Variants in MSRA observed in about 807,000 individuals in gnomAD.
MSRA encodes methionine sulfoxide reductase A.
In MSRA, 54 loss-of-function variants were observed where a neutral mutation model predicts 31.3. The observed-to-expected ratio is 1.73, with a 90% confidence interval of 1.39 to 2.17. MSRA has a LOEUF of 2.17. Ranked by LOEUF, MSRA falls within the 30% of genes most tolerant of loss-of-function variation. The pLI, the probability that MSRA is intolerant of heterozygous loss-of-function variation, is 0.00. For synonymous variants in MSRA, 169 were observed against 116.5 expected, an observed-to-expected ratio of 1.45 and a Z score of -2.90; for missense variants, 507 against 300.9, an observed-to-expected ratio of 1.69 and a Z score of -5.07.
At chr8:10,055,224 G>C (rs1428771927) in intron 1 of MSRA, among the ~76,000 whole-genome samples, 1 of 152,214 alleles carries the variant, frequency 6.6e-6, no homozygotes, top group Non-Finnish European at 1.5e-5. Flanking sequence ...GTCCCCAGGG[G>C]CAGGGGCTGC....
At position 10,410,240 on chromosome 8, in the gene MSRA, T is replaced by A. The variant is rs117646962; in HGVS notation, c.544-17908T>A. ...ACGCTTGGCCAGGAGCCACCAACAC[T>A]CTCGTATGGAAAGTCTGCCAACAGG... On this transcript the variant is annotated intron_variant, in intron 5 of 5. Transcript: ENST00000317173. 2.8e-3 allele frequency among the ~76,000 whole-genome samples: 419 copies of A among 152,118 alleles called. 14 individuals are homozygous for A. The East Asian group carries it at 0.078, about 28-fold the overall frequency.
intron 1 of MSRA, among the ~76,000 whole-genome samples, chr8:10,092,630 G>A (rs1489263729): frequency 1.4e-5 from 2 of 144,280 alleles, no homozygotes; most frequent in African/African-American, 2.5e-5. Context: ...GTGACGGAGT[G>A]AGATTCTGTC....
chr8:10,352,752 G>A (rs1585559690), intron 5 of MSRA, among the ~76,000 whole-genome samples: 1 of 152,096 alleles, frequency 6.6e-6, no homozygotes, highest in Admixed American at 6.6e-5. Flanking sequence ...GTGCAGACAC[G>A]CTGCCGTCTG....
chr8:10,409,816 C>T (rs539605516), intron 5 of MSRA, among the ~76,000 whole-genome samples: 1 of 152,234 alleles, frequency 6.6e-6, no homozygotes, highest in Non-Finnish European at 1.5e-5. Context: ...AATGTCAGTA[C>T]TTTGGAAGGC....
intron 1 of MSRA, among the ~76,000 whole-genome samples, chr8:10,204,426 T>C (rs1037095504): frequency 3.9e-5 from 6 of 152,228 alleles, no homozygotes; most frequent in African/African-American, 1.4e-4. Context: ...TACCTTTTTT[T>C]TAAATCTTTT....
chr8:10,099,079 C>G (rs183706502), intron 1 of MSRA, among the ~76,000 whole-genome samples: 133 of 151,994 alleles, frequency 8.8e-4, no homozygotes, highest in Admixed American at 2.0e-3. Flanking sequence ...TTTCTATATT[C>G]TAGTGGTTCG....
At chr8:10,121,133 T>G (rs548124120) in intron 1 of MSRA, among the ~76,000 whole-genome samples, 1 of 152,264 alleles carries the variant, frequency 6.6e-6, no homozygotes, top group African/African-American at 2.4e-5. Context: ...GTAAGGATGA[T>G]CTTGACAACA....
intron 1 of MSRA, among the ~76,000 whole-genome samples, chr8:10,199,984 G>A (rs936635464): frequency 1.7e-4 from 26 of 152,226 alleles, no homozygotes; most frequent in Non-Finnish European, 5.9e-5. Context: ...GTGGGTTACT[G>A]TGCTGGCTGG....
At chr8:10,283,828 TATATATATACACACAC>T (rs1367646116) in intron 3 of MSRA, among the ~76,000 whole-genome samples, 8 of 68,562 alleles carry the variant, frequency 1.2e-4, no homozygotes, top group South Asian at 1.3e-3. Flanking sequence ...TATATATATA[TATATATATACACACAC>T]ACACACACAC....
chr8:10,262,533 G>T (rs1798535897), intron 3 of MSRA, among the ~76,000 whole-genome samples: 1 of 152,000 alleles, frequency 6.6e-6, no homozygotes, highest in African/African-American at 2.4e-5. Flanking sequence ...TGGTGAGGTG[G>T]CTATTCAGAT....
chr8:10,097,386 A>T (rs1461835797), intron 1 of MSRA, among the ~76,000 whole-genome samples: 1 of 152,200 alleles, frequency 6.6e-6, no homozygotes, highest in East Asian at 1.9e-4. Flanking sequence ...GACATGAAAG[A>T]CATGCTGATA....
At chr8:10,197,678 A>G (rs1808114425) in intron 1 of MSRA, among the ~76,000 whole-genome samples, 1 of 152,116 alleles carries the variant, frequency 6.6e-6, no homozygotes. Flanking sequence ...CTCTCTGCCA[A>G]CGTCCATCCG....
intron 4 of MSRA, among the ~76,000 whole-genome samples, chr8:10,303,501 A>C (rs1800959796): frequency 6.6e-6 from 1 of 152,246 alleles, no homozygotes; most frequent in African/African-American, 2.4e-5. Context: ...CCAGATCTTC[A>C]CATCATAGGT....
chr8:10,294,879 C>T (rs555368000), intron 3 of MSRA, among the ~76,000 whole-genome samples: 10 of 151,756 alleles, frequency 6.6e-5, no homozygotes, highest in Non-Finnish European at 1.3e-4. Flanking sequence ...GGGGTGGGGG[C>T]GGGGGCTTTG....
At chr8:10,266,964 T>C (rs1033720726) in intron 3 of MSRA, among the ~76,000 whole-genome samples, 11 of 152,214 alleles carry the variant, frequency 7.2e-5, no homozygotes, top group Admixed American at 7.2e-4. Context: ...GAAAGAATAA[T>C]AAGGTCATTA....
intron 4 of MSRA, among the ~76,000 whole-genome samples, chr8:10,316,568 CTCT>C (rs1801736540): frequency 6.9e-6 from 1 of 145,972 alleles, no homozygotes; most frequent in Non-Finnish European, 1.5e-5. Context: ...CTCTCTCTCT[CTCT>C]CTCCTTCCTC....
intron 5 of MSRA, among the ~76,000 whole-genome samples, chr8:10,404,502 G>A (rs1807675024): frequency 6.6e-6 from 1 of 152,226 alleles, no homozygotes; most frequent in African/African-American, 2.4e-5. Flanking sequence ...TTCCTGCGGG[G>A]TGGCCCTCGC....
At chr8:10,363,601 C>A (rs2129166436) in intron 5 of MSRA, among the ~76,000 whole-genome samples, 1 of 152,226 alleles carries the variant, frequency 6.6e-6, no homozygotes, top group Non-Finnish European at 1.5e-5. Flanking sequence ...TCTGCGTAAC[C>A]TTCAGGGCCC....
At chr8:10,368,642 A>G (rs998185016) in intron 5 of MSRA, among the ~76,000 whole-genome samples, 10 of 152,242 alleles carry the variant, frequency 6.6e-5, no homozygotes, top group Non-Finnish European at 1.0e-4. Flanking sequence ...TTCAAGATGC[A>G]CTGTTCCACA....
Sources: gnomAD v4.1 joint callset for allele counts (sites outside exome capture counted in the v4.1 genomes callset) on GRCh38, gnomAD v4.1.1 for gene constraint, MANE v1.5 for transcripts, NCBI Gene and HGNC (gene_info 2026-07-23, HGNC 2026-07-21) for gene names.